Variants in TMEM178B observed in about 807,000 individuals in gnomAD.
TMEM178B encodes the protein transmembrane protein 178B.
TMEM178B carries 5 observed loss-of-function variants against 31.0 expected under a neutral mutation model. The observed-to-expected ratio is 0.16, with a 90% CI of 0.08 to 0.34. The LOEUF (loss-of-function observed/expected upper bound fraction) is 0.34. TMEM178B is among the 10% of genes least tolerant of loss of function. TMEM178B has a pLI of 1.00. For missense variants in TMEM178B, 275 were observed against 400.3 expected (o/e 0.69, Z 2.67); for synonymous variants, 164 against 164.0 (o/e 1.00, Z 0.00).
the TMEM178B span, among the ~76,000 whole-genome samples, chr7:141,499,426 A>C: frequency 6.7e-6 from 1 of 149,600 alleles, no homozygotes; most frequent in Non-Finnish European, 1.5e-5. Flanking sequence ...CCAGGAGTTC[A>C]AGACCAGCCT....
chr7:141,411,668 C>T (rs1800993106), intron 2 of TMEM178B, among the ~76,000 whole-genome samples: 1 of 152,208 alleles, frequency 6.6e-6, no homozygotes, highest in South Asian at 2.1e-4. Context: ...TATAACTCAA[C>T]TCACCCATTC....
rs141294997 is a variant in TMEM178B, at chr7:141,187,627, C to G, written c.383-24964C>G. Among the ~76,000 whole-genome samples, 725 of 152,282 alleles carry G rather than the reference C, an allele frequency of 4.8e-3. 4 individuals are homozygous for G. The highest frequency in any genetic ancestry group is 7.6e-3 in the Non-Finnish European group (517 of 68,022). Reference sequence around the variant, plus strand: ...TGTTGTTTCCTAACTTTTTCATGATCGCCATTCTAACTGGTGTGAGATGGT... The same window carrying G: ...TGTTGTTTCCTAACTTTTTCATGATGGCCATTCTAACTGGTGTGAGATGGT... On this transcript the variant is annotated intron_variant, in intron 1 of 3. Coordinates refer to ENST00000565468, the MANE Select transcript of TMEM178B (RefSeq NM_001195278.2).
chr7:141,486,526 T>C, the TMEM178B span, among the ~76,000 whole-genome samples: 1 of 151,526 alleles, frequency 6.6e-6, no homozygotes, highest in East Asian at 1.9e-4. Flanking sequence ...GAACAAGGGG[T>C]TGCCTAGGGT....
chr7:141,270,570 T>G (rs1798165693), intron 2 of TMEM178B, among the ~76,000 whole-genome samples: 1 of 152,222 alleles, frequency 6.6e-6, no homozygotes, highest in Admixed American at 6.5e-5. Context: ...CTTGAATGAT[T>G]GTTTTGTTGC....
intron 1 of TMEM178B, among the ~76,000 whole-genome samples, chr7:141,183,133 G>A (rs1796557121): frequency 6.6e-6 from 1 of 152,146 alleles, no homozygotes; most frequent in South Asian, 2.1e-4. Flanking sequence ...AACAATGTTG[G>A]CTATACATCC....
At chr7:141,100,286 G>A (rs1244329810) in intron 1 of TMEM178B, among the ~76,000 whole-genome samples, 2 of 151,776 alleles carry the variant, frequency 1.3e-5, no homozygotes, top group Non-Finnish European at 1.5e-5. Flanking sequence ...TAGCTGGATT[G>A]GGAATTACTG....
At chr7:141,152,395 C>T (rs377126585) in intron 1 of TMEM178B, among the ~76,000 whole-genome samples, 1 of 152,164 alleles carries the variant, frequency 6.6e-6, no homozygotes, top group Non-Finnish European at 1.5e-5. Context: ...GCTGGTGTGG[C>T]TTCCAGACTT....
intron 1 of TMEM178B, among the ~76,000 whole-genome samples, chr7:141,153,901 A>G (rs1354820898): frequency 1.3e-5 from 2 of 152,184 alleles, no homozygotes; most frequent in African/African-American, 4.8e-5. Flanking sequence ...AGGTAATCAA[A>G]TCTACCAATC....
chr7:141,119,645 G>A (rs961486867), intron 1 of TMEM178B, among the ~76,000 whole-genome samples: 13 of 152,298 alleles, frequency 8.5e-5, no homozygotes, highest in South Asian at 2.1e-4. Flanking sequence ...CTTCAGTGGG[G>A]AATCCCTGTC....
At chr7:141,377,858 C>T (rs1050684454) in intron 2 of TMEM178B, among the ~76,000 whole-genome samples, 1 of 152,022 alleles carries the variant, frequency 6.6e-6, no homozygotes, top group African/African-American at 2.4e-5. Flanking sequence ...ACAGAGAGTT[C>T]CTGTGTATCT....
intron 2 of TMEM178B, among the ~76,000 whole-genome samples, chr7:141,402,891 C>T (rs1800811932): frequency 6.6e-6 from 1 of 152,220 alleles, no homozygotes; most frequent in South Asian, 2.1e-4. Flanking sequence ...CTTAGCTTTC[C>T]TTTGTTTCTC....
chr7:141,269,096 C>CT (rs34014878), intron 2 of TMEM178B, among the ~76,000 whole-genome samples: 56,521 of 140,282 alleles, frequency 0.4, 11,577 homozygotes, highest in East Asian at 0.65. Context: ...AATTTTTTTT[C>CT]TTTTTTTTTT....
chr7:141,098,681 T>C lies in TMEM178B; in HGVS notation c.382+23989T>C, dbSNP rs181815707. 3.8e-3 allele frequency among the ~76,000 whole-genome samples: 584 copies of C among 152,334 alleles called. 4 individuals are homozygous for C. Among genetic ancestry groups the C allele is most frequent in the African/African-American group, 0.013 (561 of 41,580 alleles). Reference sequence around the variant, plus strand: ...GGTTGAGTGAGTTCATACAAGTAAATGCCATAGAATAGTACCTGGCACATA... The same window carrying C: ...GGTTGAGTGAGTTCATACAAGTAAACGCCATAGAATAGTACCTGGCACATA... On this transcript the variant is annotated intron_variant, in intron 1 of 3. Transcript: ENST00000565468.
At chr7:141,115,518 A>G (rs1452313112) in intron 1 of TMEM178B, among the ~76,000 whole-genome samples, 3 of 152,232 alleles carry the variant, frequency 2.0e-5, no homozygotes, top group Admixed American at 1.3e-4. Flanking sequence ...AGGACTCAGA[A>G]CTTTCCCTTA....
At chr7:141,172,824 T>C (rs1796369719) in intron 1 of TMEM178B, among the ~76,000 whole-genome samples, 1 of 152,268 alleles carries the variant, frequency 6.6e-6, no homozygotes, top group African/African-American at 2.4e-5. Context: ...TCTCCATTAA[T>C]TCTTTTGTTC....
chr7:141,282,312 TG>T, intron 2 of TMEM178B, among the ~76,000 whole-genome samples: 1 of 152,282 alleles, frequency 6.6e-6, no homozygotes, highest in South Asian at 2.1e-4. Context: ...ACCCTGCCCT[TG>T]GGGAGAACAG....
intron 2 of TMEM178B, among the ~76,000 whole-genome samples, chr7:141,298,223 A>G (rs749864781): frequency 1.3e-4 from 19 of 151,992 alleles, no homozygotes; most frequent in Non-Finnish European, 2.2e-4. Flanking sequence ...TTTCTTGTAA[A>G]TTTGTTTCAG....
chr7:141,231,449 T>C (rs1797442013), intron 2 of TMEM178B, among the ~76,000 whole-genome samples: 2 of 152,222 alleles, frequency 1.3e-5, no homozygotes, highest in East Asian at 3.8e-4. Flanking sequence ...TTACTCAGTA[T>C]GTAACCTGAA....
intron 2 of TMEM178B, among the ~76,000 whole-genome samples, chr7:141,339,021 G>A (rs1318598110): frequency 1.3e-5 from 2 of 152,176 alleles, no homozygotes; most frequent in South Asian, 4.1e-4. Flanking sequence ...GGGGAGAGAA[G>A]GTGTGCATGT....
Sources: allele counts gnomAD v4.1 joint callset (sites outside exome capture counted in the v4.1 genomes callset), GRCh38; gene constraint gnomAD v4.1.1; transcripts MANE v1.5; gene names NCBI Gene and HGNC (gene_info 2026-07-23, HGNC 2026-07-21).